The following ANKRD35 variants were observed in gnomAD, a reference collection of about 807,000 sequenced individuals.
The protein encoded by ANKRD35 is ankyrin repeat domain 35.
In ANKRD35, 102 loss-of-function variants were observed where a neutral mutation model predicts 109.9. The observed-to-expected ratio is 0.93, with a 90% CI of 0.79 to 1.09. ANKRD35 has a LOEUF of 1.09. Among genes scored for constraint, ANKRD35 ranks in the 50% least tolerant of loss-of-function variants. The probability of loss-of-function intolerance (pLI) is 0.00; values close to 1 mark genes in which losing one functional copy is unlikely to be tolerated. For synonymous variants in ANKRD35, 515 were observed against 512.4 expected, an observed-to-expected ratio of 1.01 and a Z score of -0.07; for missense variants, 1,240 against 1,230.1, an observed-to-expected ratio of 1.01 and a Z score of -0.12.
chr1:145,867,954 T>C, intron 12 of ANKRD35, 37 bp downstream of exon 12: 1 of 1,602,234 alleles, frequency 6.2e-7, no homozygotes, highest in Non-Finnish European at 8.6e-7. Context: ...TACTCAGCTT[T>C]ATGTCTATAC....
intron 6 of ANKRD35, 28 bp downstream of exon 6, chr1:145,876,541 A>G (rs782565195): frequency 6.2e-7 from 1 of 1,613,962 alleles, no homozygotes; most frequent in Admixed American, 1.7e-5. Flanking sequence ...TGTGTAGGAC[A>G]CTGCCCACTT....
chr1:145,875,707 C>T (rs587614801), intron 7 of ANKRD35, among the ~76,000 whole-genome samples: 7 of 152,240 alleles, frequency 4.6e-5, no homozygotes, highest in Middle Eastern at 3.4e-3. Context: ...CACCACCATG[C>T]CTGACCAATT....
rs1337418683 is a variant in ANKRD35 at position 145,871,963 on chromosome 1, G to A, written c.2787+19C>T. Reference sequence around the variant, plus strand: ...AGAAACTTTCCCCAGTGCTCCCCAGGGCTACCTCAGCTGCTCACCTTGGCT... The same window carrying A: ...AGAAACTTTCCCCAGTGCTCCCCAGAGCTACCTCAGCTGCTCACCTTGGCT... On this transcript the variant is annotated intron_variant, in intron 10 of 13. Transcript: ENST00000355594. 3 of 1,606,644 alleles carry A rather than the reference G, an allele frequency of 1.9e-6. No homozygotes were observed. The highest frequency in any genetic ancestry group is 2.2e-5 in the South Asian group (2 of 91,030).
At chr1:145,867,064 A>G (rs1653631946) in intron 13 of ANKRD35, among the ~76,000 whole-genome samples, 1 of 152,008 alleles carries the variant, frequency 6.6e-6, no homozygotes, top group Non-Finnish European at 1.5e-5. Context: ...TTCAGTCTCC[A>G]TCTCATAAGT....
chr1:145,882,115 C>G (rs1269924174), intron 1 of ANKRD35, among the ~76,000 whole-genome samples: 1 of 151,088 alleles, frequency 6.6e-6, no homozygotes, highest in Non-Finnish European at 1.5e-5. Context: ...CCACCACACC[C>G]GGATAATTTT....
Position 145,873,607 on chromosome 1 carries a change from G to T in ANKRD35, c.1162C>A (p.Gln388Lys). The T allele has an allele frequency of 6.2e-7, 1 of 1,614,046 alleles. No homozygotes were observed. The highest frequency in any genetic ancestry group is 8.5e-7 in the Non-Finnish European group (1 of 1,180,012). Residue 388 changes from glutamine to lysine, a missense_variant, in exon 10 of 14, where the codon CAG (glutamine) becomes AAG (lysine). By Grantham distance (53) the Gln-to-Lys change is moderately conservative. Coordinates refer to ENST00000355594, the MANE Select transcript of ANKRD35 (RefSeq NM_144698.5). ...TTTACTGTGGCTGCTGCCTGCTGCT[G>T]CTTCTTTAGCTCTTGTGTACTCTCA... ...LAESTQELKK[Q>K]QQAAATVNPV...
rs1483676297 is a variant in ANKRD35, at chr1:145,873,366, G to A, written c.1403C>T (p.Ser468Phe). Residue 468 changes from serine to phenylalanine, a missense_variant, in exon 10 of 14, where the codon TCC (serine) becomes TTC (phenylalanine). Ser to Phe is a radical substitution (Grantham distance 155). Transcript: ENST00000355594. ...TCCTGGTTCAACTCCTAGAACCTGG[G>A]AACTCTCCTTCTGACCAGCAGGCAG... Reference protein sequence around the residue: ...DQLPAGQKESSQVLGVEPGGT... With the variant: ...DQLPAGQKESFQVLGVEPGGT... 3 of 1,614,084 alleles carry A rather than the reference G, an allele frequency of 1.9e-6. No individual in the cohort carries two copies. Among genetic ancestry groups the A allele is most frequent in the Non-Finnish European group, 2.5e-6 (3 of 1,180,048 alleles).
At chr1:145,884,753 G>C (rs1241679810) in intron 1 of ANKRD35, among the ~76,000 whole-genome samples, 1 of 151,410 alleles carries the variant, frequency 6.6e-6, no homozygotes, top group African/African-American at 2.4e-5. Context: ...AGGAAACAGA[G>C]AGTATCATTC....
Position 145,872,657 on chromosome 1 carries a change from C to A in ANKRD35, c.2112G>T (p.Leu704=), listed in dbSNP as rs587752008. 87 of 1,614,120 alleles carry A rather than the reference C, an allele frequency of 5.4e-5. 1 individual carries two copies. The South Asian group carries it at 8.9e-4, about 16-fold the overall frequency. ...LASQSSGLRG[L]WDCLPADLVG... is the part of the protein sequence containing the mutation. ...CTAGGTCTGCGGGCAGGCAGTCCCA[C>A]AGCCCTCGGAGACCGCTGCTCTGGG... The change falls in exon 10 of 14, where the codon CTG becomes CTT. Residue 704 remains leucine (L), a synonymous_variant. Coordinates refer to ENST00000355594, the MANE Select transcript of ANKRD35 (RefSeq NM_144698.5).
At chr1:145,871,700 A>C (rs1299391746) in intron 10 of ANKRD35, among the ~76,000 whole-genome samples, 1 of 152,130 alleles carries the variant, frequency 6.6e-6, no homozygotes. Context: ...ATGGTGCTGC[A>C]CTGGTGGCAG....
intron 6 of ANKRD35, 102 bp downstream of exon 6, chr1:145,876,467 G>A: frequency 2.9e-6 from 4 of 1,370,966 alleles, no homozygotes; most frequent in Non-Finnish European, 4.1e-6. Context: ...GAGAAGGGTG[G>A]TGCTAACACA....
intron 12 of ANKRD35, 58 bp from the exon 13 acceptor site, chr1:145,867,450 G>A: frequency 6.7e-7 from 1 of 1,489,552 alleles, no homozygotes. Flanking sequence ...GAGAGAGAGA[G>A]GTGAGGGAGA....
chr1:145,869,152 A>T (rs1308326497), intron 10 of ANKRD35, among the ~76,000 whole-genome samples: 1 of 149,838 alleles, frequency 6.7e-6, no homozygotes, highest in Non-Finnish European at 1.5e-5. Context: ...GAGGAACAAT[A>T]CTTCTCTGAA....
intron 8 of ANKRD35, 121 bp from the exon 9 acceptor site, chr1:145,874,313 C>T (rs1653978993): frequency 2.7e-6 from 3 of 1,098,576 alleles, no homozygotes; most frequent in Non-Finnish European, 4.1e-6. Context: ...TCTCACTGCA[C>T]ATCTTCCTGG....
Position 145,873,091 on chromosome 1 carries a change from C to T in ANKRD35, c.1678G>A (p.Glu560Lys). The T allele has an allele frequency of 6.2e-7, 1 of 1,613,210 alleles. No homozygotes were observed. The highest frequency in any genetic ancestry group is 8.5e-7 in the Non-Finnish European group (1 of 1,179,584). ...TCTCTGGACTCCTGGGAAGGAACCT[C>T]AGGTTTCACCTGTAGTCCTGCCTTT... ...WAKAGLQVKPEVPSQESREGA... is the reference protein window; with the variant it reads ...WAKAGLQVKPKVPSQESREGA... Residue 560 changes from glutamate to lysine, a missense_variant, in exon 10 of 14, where the codon GAG becomes AAG. By Grantham distance (56) the Glu-to-Lys change is moderately conservative. Coordinates refer to ENST00000355594, the MANE Select transcript of ANKRD35 (RefSeq NM_144698.5).
chr1:145,881,383 T>C (rs1297445594), intron 1 of ANKRD35, among the ~76,000 whole-genome samples: 1 of 152,198 alleles, frequency 6.6e-6, no homozygotes, highest in Non-Finnish European at 1.5e-5. Context: ...GAAACAGGTT[T>C]ACTTATTTCC....
chr1:145,874,290 T>A, intron 8 of ANKRD35, 98 bp from the exon 9 acceptor site: 1 of 1,309,816 alleles, frequency 7.6e-7, no homozygotes, highest in African/African-American at 1.4e-5. Context: ...AGGAGTGGCC[T>A]CTCTGTGATC....
Position 145,873,629 on chromosome 1 carries a change from C to CAAGG in ANKRD35, c.1139_1140insCCTT (p.Glu380AspfsTer27). The stretch of plus-strand genomic sequence containing the variant: ...GCTGCTTCTTTAGCTCTTGTGTACT[C>CAAGG]TCAGCCAGCAGGTCCTTAGGACAAC... On this transcript the variant is annotated frameshift_variant, in exon 10 of 14. Coordinates refer to ENST00000355594, the MANE Select transcript of ANKRD35 (RefSeq NM_144698.5). LOFTEE classifies it high-confidence loss of function. 1 of 1,614,076 alleles carries CAAGG rather than the reference C, an allele frequency of 6.2e-7. No homozygotes were observed.
At chr1:145,868,661 A>G (rs911666171) in intron 10 of ANKRD35, among the ~76,000 whole-genome samples, 1 of 152,204 alleles carries the variant, frequency 6.6e-6, no homozygotes, top group African/African-American at 2.4e-5. Flanking sequence ...TACCCCTTCC[A>G]GTTTAGTTTC....
Sources: gnomAD v4.1 joint callset for allele counts (sites outside exome capture counted in the v4.1 genomes callset) on GRCh38, gnomAD v4.1.1 for gene constraint, MANE v1.5 for transcripts, NCBI Gene and HGNC (gene_info 2026-07-23, HGNC 2026-07-21) for gene names.